Variants in GOLGA4 observed in about 807,000 individuals in gnomAD.
The protein encoded by GOLGA4 is golgin A4.
A neutral mutation model predicts 265.9 loss-of-function variants in GOLGA4; 169 were observed. That is an observed-to-expected ratio of 0.64 (90% CI 0.56 to 0.72). The LOEUF (loss-of-function observed/expected upper bound fraction) is 0.72, where lower values mean the gene tolerates loss of function less well. Ranked by LOEUF, GOLGA4 falls within the 30% of genes least tolerant of loss-of-function variation. GOLGA4 has a pLI of 0.00. For missense variants in GOLGA4, 2,482 were observed against 2,483.4 expected (o/e 1.00, Z 0.01); for synonymous variants, 923 against 855.8 (o/e 1.08, Z -1.37).
In GOLGA4 at chr3:37,327,473, T is replaced by C. The variant is rs377127985; in HGVS notation, c.5587T>C (p.Leu1863=). 1.7e-5 allele frequency: 27 copies of C among 1,612,976 alleles called. No homozygotes were observed. The African/African-American group carries it at 2.8e-4, about 17-fold the overall frequency. The change falls in exon 14 of 24, where the codon TTA becomes CTA. Residue 1863 remains leucine (L), a synonymous_variant. Coordinates refer to ENST00000361924, the MANE Select transcript of GOLGA4 (RefSeq NM_002078.5). ...EQKIKELDSC[L]VRQKEVHRVE... ...AAAGATAAAAGAGCTGGATTCCTGC[T>C]TAGTAAGACAGAAAGAAGTACATAG...
At chr3:37,332,909 A>C (rs1230626555) in intron 16 of GOLGA4, among the ~76,000 whole-genome samples, 2 of 151,668 alleles carry the variant, frequency 1.3e-5, no homozygotes, top group Non-Finnish European at 2.9e-5. Flanking sequence ...TTACTCATAT[A>C]TATTTGTTAC....
rs1325194956 is a variant in GOLGA4 at position 37,251,420 on chromosome 3, C to T, written c.98C>T (p.Thr33Ile). 2 of 1,611,944 alleles carry T rather than the reference C, an allele frequency of 1.2e-6. No individual in the cohort carries two copies. The highest frequency in any genetic ancestry group is 3.3e-5 in the Admixed American group (2 of 59,990). ...AQASSNSSTP[T>I]RMRSRTSSFT... ...GCGTCCTCCAATTCTTCAACACCAA[C>T]AAGAATGAGGAGCAGGACATCTTCA... Residue 33 changes from threonine (T) to isoleucine (I), a missense_variant, in exon 2 of 24, where the codon ACA (threonine) becomes ATA (isoleucine). Thr to Ile is a moderately conservative substitution (Grantham distance 89). This residue lies in a region of GOLGA4 where 1,536 missense variants were observed against 1,483.7 expected (regional missense o/e 1.04). Transcript: ENST00000361924.
intron 9 of GOLGA4, among the ~76,000 whole-genome samples, chr3:37,300,874 G>A (rs1382126704): frequency 6.6e-6 from 1 of 151,948 alleles, no homozygotes; most frequent in Non-Finnish European, 1.5e-5. Context: ...TCCAAATAAA[G>A]TTTTTTCATT....
At chr3:37,275,859 A>G (rs2096816268) in intron 2 of GOLGA4, 2 of 1,613,694 alleles carry the variant, frequency 1.2e-6, no homozygotes, top group Admixed American at 1.7e-5. Context: ...ATTCGCAAGC[A>G]GAGTACAGAT....
At position 37,325,558 on chromosome 3, in the gene GOLGA4, C is replaced by G. The variant is rs149481691; in HGVS notation, c.3672C>G (p.Thr1224=). ...AGCTAGATATTTGCTGTAAGAAAACCGAAGCCTTATTAGAAGCTAAAACAA... is the reference window on the plus strand; with the variant it reads ...AGCTAGATATTTGCTGTAAGAAAACGGAAGCCTTATTAGAAGCTAAAACAA... The part of the protein sequence containing the change: ...AIQLDICCKK[T]EALLEAKTNE... Residue 1224 remains threonine (T), a synonymous_variant, in exon 14 of 24, where the codon ACC becomes ACG. Transcript: ENST00000361924. 2.5e-6 allele frequency: 4 copies of G among 1,613,246 alleles called. No homozygotes were observed. The highest frequency in any genetic ancestry group is 2.5e-6 in the Non-Finnish European group (3 of 1,179,530).
chr3:37,334,959 C>G, intron 16 of GOLGA4, 94 bp from the exon 17 acceptor site: 1 of 659,194 alleles, frequency 1.5e-6, no homozygotes, highest in East Asian at 2.7e-5. Context: ...TTCTCTATAC[C>G]ATGTTGCCTC....
rs552156695 is a variant in GOLGA4 at position 37,334,561 on chromosome 3, G to A, written c.6193-492G>A. On this transcript the variant is annotated intron_variant, in intron 16 of 23. Transcript: ENST00000361924. ...TTCTGTGATCAGTAAATTGCCATCTGGTTGGGTAGTGCTCTGTATAAAAAT... is the reference window on the plus strand; with the variant it reads ...TTCTGTGATCAGTAAATTGCCATCTAGTTGGGTAGTGCTCTGTATAAAAAT... Among the ~76,000 whole-genome samples the A allele has an allele frequency of 3.1e-3, 470 of 152,184 alleles. 8 individuals carry two copies. In the South Asian group the frequency reaches 0.048, roughly 16 times the overall value.
intron 12 of GOLGA4, 71 bp from the exon 13 acceptor site, chr3:37,321,660 C>A: frequency 7.5e-7 from 1 of 1,338,380 alleles, no homozygotes; most frequent in Non-Finnish European, 1.0e-6. Context: ...ATGAATGATT[C>A]CTGGGGAAGT....
At chr3:37,298,781 G>T in intron 7 of GOLGA4, 52 bp from the exon 8 acceptor site, 13 of 1,240,862 alleles carry the variant, frequency 1.0e-5, no homozygotes, top group African/African-American at 1.5e-5. Context: ...TTTTCCAAAG[G>T]CAGTTTCATA....
intron 23 of GOLGA4, among the ~76,000 whole-genome samples, chr3:37,363,218 G>A (rs1208854128): frequency 2.6e-5 from 4 of 152,166 alleles, no homozygotes; most frequent in African/African-American, 9.7e-5. Context: ...ATGGCTGGCA[G>A]TACAATGCAT....
At chr3:37,252,415 T>G (rs1414774003) in intron 2 of GOLGA4, among the ~76,000 whole-genome samples, 1 of 152,056 alleles carries the variant, frequency 6.6e-6, no homozygotes, top group Non-Finnish European at 1.5e-5. Context: ...TTTTGGCTAC[T>G]ATGAATTATG....
intron 2 of GOLGA4, among the ~76,000 whole-genome samples, chr3:37,279,049 TAC>T (rs1287486501): frequency 6.6e-6 from 1 of 152,114 alleles, no homozygotes; most frequent in Non-Finnish European, 1.5e-5. Context: ...ACAATGTATA[TAC>T]ACAAAGACGG....
chr3:37,328,710 T>C (rs1578730283), intron 15 of GOLGA4, among the ~76,000 whole-genome samples, 173 bp downstream of exon 15: 2 of 152,092 alleles, frequency 1.3e-5, no homozygotes, highest in South Asian at 2.1e-4. Context: ...TGACTTACCT[T>C]AAGGAGAGAG....
At chr3:37,251,284 T>C (rs953681526) in intron 1 of GOLGA4, 111 bp from the exon 2 acceptor site, 3 of 647,632 alleles carry the variant, frequency 4.6e-6, no homozygotes, top group Non-Finnish European at 8.1e-6. Context: ...TTTTGCTCTT[T>C]TCCTTTCTTT....
chr3:37,343,364 G>C (rs1312129820), intron 20 of GOLGA4, among the ~76,000 whole-genome samples: 1 of 152,014 alleles, frequency 6.6e-6, no homozygotes, highest in Non-Finnish European at 1.5e-5. Flanking sequence ...CGGGTGATCC[G>C]CCTGCCTCGG....
Position 37,325,861 on chromosome 3 carries a change from G to A in GOLGA4, c.3975G>A (p.Lys1325=), listed in dbSNP as rs1184430850. The change falls in exon 14 of 24, where the codon AAG becomes AAA. Residue 1325 remains lysine, a synonymous_variant. Transcript: ENST00000361924. ...SLVTEKEALQ[K]EGGNQQQAAS... ...TAACAGAAAAAGAAGCCTTACAGAA[G>A]GAAGGAGGCAATCAGCAACAGGCTG... 1.2e-6 allele frequency: 2 copies of A among 1,613,674 alleles called. No homozygotes were observed. The highest frequency in any genetic ancestry group is 1.1e-5 in the South Asian group (1 of 91,050).
intron 20 of GOLGA4, among the ~76,000 whole-genome samples, chr3:37,341,241 A>G (rs998861302): frequency 6.6e-6 from 1 of 152,212 alleles, no homozygotes; most frequent in African/African-American, 2.4e-5. Flanking sequence ...TTTATGTGGT[A>G]ATTCCCTTGA....
intron 21 of GOLGA4, among the ~76,000 whole-genome samples, chr3:37,350,382 T>TC (rs1395658889): frequency 6.6e-6 from 1 of 152,136 alleles, no homozygotes; most frequent in Admixed American, 6.6e-5. Context: ...CTATATTTTT[T>TC]CCCCAAACAT....
chr3:37,269,838 T>C (rs993418477), intron 2 of GOLGA4, among the ~76,000 whole-genome samples: 2 of 151,850 alleles, frequency 1.3e-5, no homozygotes, highest in African/African-American at 4.8e-5. Context: ...TTAAATGTTG[T>C]TCTCTGTGTG....
Sources: allele counts gnomAD v4.1 joint callset (sites outside exome capture counted in the v4.1 genomes callset), GRCh38; gene constraint gnomAD v4.1.1; regional missense constraint gnomAD v4.1.1; transcripts MANE v1.5; gene names NCBI Gene and HGNC (gene_info 2026-07-23, HGNC 2026-07-21).